Variants in FAM120A observed in about 807,000 individuals in gnomAD.
The protein encoded by FAM120A is constitutive coactivator of PPAR-gamma-like protein 1.
FAM120A carries 15 observed loss-of-function variants against 109.7 expected under a neutral mutation model. The observed-to-expected ratio is 0.14, with a 90% CI of 0.09 to 0.21. The LOEUF (loss-of-function observed/expected upper bound fraction) is 0.21. Ranked by LOEUF, FAM120A falls within the 10% of genes least tolerant of loss-of-function variation. The probability of loss-of-function intolerance (pLI) is 1.00; values close to 1 mark genes in which losing one functional copy is unlikely to be tolerated. For synonymous variants in FAM120A, 493 were observed against 572.8 expected (o/e 0.86, Z 1.99); for missense variants, 899 against 1,439.3 (o/e 0.62, Z 6.07).
chr9:93,533,323 A>G (rs192510289), intron 10 of FAM120A, among the ~76,000 whole-genome samples: 25 of 152,320 alleles, frequency 1.6e-4, no homozygotes, highest in Non-Finnish European at 2.6e-4. Flanking sequence ...TGCAATTACT[A>G]TGACAAACTT....
intron 5 of FAM120A, among the ~76,000 whole-genome samples, chr9:93,504,560 A>G (rs1859948677): frequency 6.6e-6 from 1 of 152,242 alleles, no homozygotes; most frequent in South Asian, 2.1e-4. Context: ...ATGAAATAAA[A>G]TCATATAGCA....
At chr9:93,453,030 G>A in intron 1 of FAM120A, 1 of 1,160,318 alleles carries the variant, frequency 8.6e-7, no homozygotes, top group Non-Finnish European at 1.1e-6. Context: ...TTTTGTGTTA[G>A]ATTTCAAAGA....
chr9:93,486,069 C>T (rs1427180103), intron 3 of FAM120A, among the ~76,000 whole-genome samples: 1 of 152,114 alleles, frequency 6.6e-6, no homozygotes, highest in Non-Finnish European at 1.5e-5. Context: ...AACTTCTGGG[C>T]CCAGGCAATC....
rs553118113 is a variant in FAM120A at position 93,491,793 on chromosome 9, T to C, written c.805-5678T>C. Among the ~76,000 whole-genome samples the C allele has an allele frequency of 1.3e-3, 191 of 149,452 alleles. 1 individual carries two copies. Among genetic ancestry groups the C allele is most frequent in the African/African-American group, 4.4e-3 (184 of 41,396 alleles). ...GTACATATGGTTCTAGCTCTAGATA[T>C]GTCGCAATTTATTTGACTTTTTTTT... On this transcript the variant is annotated intron_variant, in intron 3 of 17. Transcript: ENST00000277165.
At chr9:93,488,505 C>A (rs745919784) in intron 3 of FAM120A, among the ~76,000 whole-genome samples, 2 of 152,088 alleles carry the variant, frequency 1.3e-5, no homozygotes, top group Non-Finnish European at 2.9e-5. Context: ...ACTCTCCTGG[C>A]AGATCTGTGC....
chr9:93,529,558 A>G lies in FAM120A; in HGVS notation c.1712A>G (p.Tyr571Cys), dbSNP rs1472889518. 4.3e-6 allele frequency: 7 copies of G among 1,614,214 alleles called. No individual in the cohort carries two copies. The highest frequency in any genetic ancestry group is 5.1e-6 in the Non-Finnish European group (6 of 1,180,026). ...CACAAGAAGGGGCTGATGTACCCCT[A>G]CATCTTCCATGTCCTGACGAAGGTA... ...HRHKKGLMYP[Y>C]IFHVLTKGEI... The change falls in exon 9 of 18, where the codon TAC becomes TGC. Residue 571 changes from tyrosine to cysteine, a missense_variant. Physicochemically the swap from Tyr to Cys is radical, Grantham distance 194. This residue lies in a region of FAM120A where 133 missense variants were observed against 276.6 expected (regional missense o/e 0.48). Coordinates refer to ENST00000277165, the MANE Select transcript of FAM120A (RefSeq NM_014612.5).
chr9:93,534,492 GAC>G (rs1046704228), intron 10 of FAM120A, among the ~76,000 whole-genome samples: 1 of 152,144 alleles, frequency 6.6e-6, no homozygotes, highest in African/African-American at 2.4e-5. Context: ...GGAGGAAAGG[GAC>G]ACAGGAGAAC....
At chr9:93,523,004 G>C (rs962700236) in intron 7 of FAM120A, among the ~76,000 whole-genome samples, 31 of 152,276 alleles carry the variant, frequency 2.0e-4, no homozygotes, top group African/African-American at 6.7e-4. Context: ...CCTGAAGCTC[G>C]CAGAACCTCA....
chr9:93,561,355 A>C (rs1412153449), intron 16 of FAM120A, 105 bp downstream of exon 16: 41 of 1,000,098 alleles, frequency 4.1e-5, no homozygotes, highest in Non-Finnish European at 4.6e-5. Context: ...ATCATTAGAT[A>C]CATTCTTCTT....
At position 93,451,738 on chromosome 9, in the gene FAM120A, G is replaced by A. The variant is rs1345608723; in HGVS notation, c.-178G>A. 3.1e-6 allele frequency: 3 copies of A among 983,206 alleles called. No homozygotes were observed. Among genetic ancestry groups the A allele is most frequent in the Non-Finnish European group, 2.4e-6 (2 of 830,878 alleles). The allele number at this position is 983,206 out of a possible 1,614,324, so 60.9% of individuals were successfully genotyped here. A position where few individuals can be genotyped will look rare whatever the true frequency, so the allele number is the denominator to read the frequency against. On this transcript the variant is annotated 5_prime_UTR_variant, in exon 1 of 18. The change abolishes an upstream ATG in the 5' untranslated region. Transcript: ENST00000277165. ...CGGCGGCAGGTCCCTCCCCAGACATGGCCCTGGGAGGCGGCAGCACATGGC... is the reference window on the plus strand; with the variant it reads ...CGGCGGCAGGTCCCTCCCCAGACATAGCCCTGGGAGGCGGCAGCACATGGC...
intron 16 of FAM120A, 70 bp from the exon 17 acceptor site, chr9:93,562,138 T>C (rs1862490023): frequency 7.9e-7 from 1 of 1,258,110 alleles, no homozygotes; most frequent in Admixed American, 1.8e-5. Flanking sequence ...TTTAAAATCA[T>C]TTGATACTAT....
At chr9:93,507,484 G>C (rs1479814164) in intron 5 of FAM120A, among the ~76,000 whole-genome samples, 1 of 152,172 alleles carries the variant, frequency 6.6e-6, no homozygotes, top group Admixed American at 6.5e-5. Flanking sequence ...GAATGCACAG[G>C]TGAAAGCAGA....
At chr9:93,465,411 C>G (rs1279941345) in intron 1 of FAM120A, among the ~76,000 whole-genome samples, 1 of 152,146 alleles carries the variant, frequency 6.6e-6, no homozygotes, top group East Asian at 1.9e-4. Context: ...TTTCTTTCAA[C>G]TGGACTACCT....
chr9:93,558,065 A>G (rs1317303485), intron 14 of FAM120A, 55 bp downstream of exon 14: 1 of 1,485,704 alleles, frequency 6.7e-7, no homozygotes, highest in Non-Finnish European at 8.9e-7. Flanking sequence ...TCCTGTAAAG[A>G]AAGTGCAGCC....
chr9:93,460,265 G>A (rs1285709501), intron 1 of FAM120A, among the ~76,000 whole-genome samples: 1 of 152,124 alleles, frequency 6.6e-6, no homozygotes, highest in African/African-American at 2.4e-5. Flanking sequence ...AAATAAAACA[G>A]GCATTTAAAT....
intron 5 of FAM120A, among the ~76,000 whole-genome samples, chr9:93,505,051 GTTTTTTT>G (rs768552939): frequency 3.7e-5 from 3 of 81,320 alleles, no homozygotes; most frequent in Non-Finnish European, 6.5e-5. Context: ...GTTCGCTTGT[GTTTTTTT>G]TTTTTTTTTT....
At chr9:93,476,895 A>G (rs1257353082) in intron 3 of FAM120A, among the ~76,000 whole-genome samples, 3 of 152,090 alleles carry the variant, frequency 2.0e-5, no homozygotes, top group South Asian at 2.1e-4. Context: ...TGAGGCACTT[A>G]ATTCTGATTT....
At chr9:93,561,357 ATTC>A (rs1324876335) in intron 16 of FAM120A, 107 bp downstream of exon 16, 3 of 973,636 alleles carry the variant, frequency 3.1e-6, no homozygotes, top group Admixed American at 3.2e-5. Flanking sequence ...CATTAGATAC[ATTC>A]TTCTTTAATA....
intron 11 of FAM120A, among the ~76,000 whole-genome samples, chr9:93,549,461 T>G (rs1216754987): frequency 6.6e-6 from 1 of 152,228 alleles, no homozygotes; most frequent in African/African-American, 2.4e-5. Flanking sequence ...TACTTTGGGC[T>G]TCAACTGAAA....
Sources: allele counts gnomAD v4.1 joint callset (sites outside exome capture counted in the v4.1 genomes callset), GRCh38; gene constraint gnomAD v4.1.1; regional missense constraint gnomAD v4.1.1; transcripts MANE v1.5; gene names NCBI Gene and HGNC (gene_info 2026-07-23, HGNC 2026-07-21).